Variants in LRRC69 observed in about 807,000 individuals in gnomAD.
LRRC69 encodes leucine-rich repeat-containing protein 69.
A neutral mutation model predicts 37.8 loss-of-function variants in LRRC69; 42 were observed. That is an observed-to-expected ratio of 1.11 (90% CI 0.87 to 1.44). LRRC69 has a LOEUF of 1.44. LRRC69 is among the 40% of genes most tolerant of loss of function. The pLI is 0.00. For synonymous variants in LRRC69, 141 were observed against 143.1 expected (o/e 0.99, Z 0.11); for missense variants, 357 against 401.9 (o/e 0.89, Z 0.96).
At chr8:91,157,317 AG>A in intron 5 of LRRC69, 1 of 1,608,526 alleles carries the variant, frequency 6.2e-7, no homozygotes, top group Non-Finnish European at 8.5e-7. Flanking sequence ...TGGCACCCAC[AG>A]AAACATTCAC....
intron 3 of LRRC69, among the ~76,000 whole-genome samples, chr8:91,127,798 A>G (rs1302485631): frequency 2.0e-5 from 3 of 151,842 alleles, no homozygotes; most frequent in East Asian, 3.9e-4. Flanking sequence ...TTGCCTGTTG[A>G]GCAGAAACAG....
chr8:91,153,778 A>G (rs13254476), intron 5 of LRRC69, among the ~76,000 whole-genome samples: 7,966 of 152,030 alleles, frequency 0.052, 294 homozygotes, highest in Middle Eastern at 0.16. Flanking sequence ...TCTCAAATTG[A>G]CACCCTAACA....
chr8:91,105,792 C>G (rs1162936201), intron 1 of LRRC69, among the ~76,000 whole-genome samples: 12 of 151,886 alleles, frequency 7.9e-5, no homozygotes, highest in Admixed American at 7.9e-4. Flanking sequence ...ATACAAGGCA[C>G]TTAGTTTCTT....
chr8:91,188,916 C>G (rs1809446798), intron 5 of LRRC69, among the ~76,000 whole-genome samples: 1 of 151,638 alleles, frequency 6.6e-6, no homozygotes, highest in African/African-American at 2.4e-5. Context: ...ACCTCCACCT[C>G]TGGGTTCAAA....
chr8:91,113,882 C>G (rs781691793), intron 1 of LRRC69, among the ~76,000 whole-genome samples: 6 of 140,388 alleles, frequency 4.3e-5, no homozygotes, highest in Non-Finnish European at 7.6e-5. Context: ...AACAAATAAC[C>G]TGATTTAAAA....
exon 4 of LRRC69, chr8:91,133,214 A>G (rs1813840879): frequency 1.9e-6 from 3 of 1,542,818 alleles, no homozygotes; most frequent in Non-Finnish European, 2.6e-6. Context: ...CTTAACTACA[A>G]TCAGCTGATA....
chr8:91,139,062 A>G (rs1225006814), intron 5 of LRRC69: 2 of 151,476 alleles, frequency 1.3e-5, no homozygotes, highest in East Asian at 3.9e-4. Context: ...AAAAAAAAAA[A>G]GAAATATCTT....
intron 1 of LRRC69, among the ~76,000 whole-genome samples, chr8:91,116,476 A>G (rs991439680): frequency 1.3e-5 from 2 of 151,970 alleles, no homozygotes; most frequent in Admixed American, 6.6e-5. Flanking sequence ...TGAGAATTTC[A>G]TGTATTGTAT....
At chr8:91,122,699 A>G (rs1445822894) in intron 1 of LRRC69, among the ~76,000 whole-genome samples, 1 of 151,736 alleles carries the variant, frequency 6.6e-6, no homozygotes. Context: ...CCTCAGGGAG[A>G]TTTTCTTGGG....
intron 5 of LRRC69, among the ~76,000 whole-genome samples, chr8:91,175,981 C>T (rs1195377121): frequency 6.6e-6 from 1 of 151,216 alleles, no homozygotes; most frequent in African/African-American, 2.4e-5. Context: ...TGTATGATTA[C>T]TTAACATTTT....
intron 7 of LRRC69, 22 bp from the exon 8 acceptor site, chr8:91,218,868 A>G: frequency 1.4e-6 from 2 of 1,454,022 alleles, no homozygotes; most frequent in Non-Finnish European, 1.9e-6. Flanking sequence ...CCTAAATTTT[A>G]TTTTTAATCT....
intron 1 of LRRC69, among the ~76,000 whole-genome samples, chr8:91,120,038 G>A (rs187973213): frequency 8.2e-4 from 125 of 151,870 alleles, no homozygotes; most frequent in African/African-American, 2.9e-3. Context: ...TTGGGGGTGG[G>A]GGGGAACTCC....
At position 91,206,785 on chromosome 8, in the gene LRRC69, T is replaced by C. The variant is rs1380348718; in HGVS notation, c.933+5993T>C. 2.3e-6 allele frequency: 3 copies of C among 1,289,718 alleles called. No homozygotes were observed. The South Asian group carries it at 3.7e-5, about 16-fold the overall frequency. 79.9% of individuals were successfully genotyped at this position (1,289,718 alleles called of 1,614,324 possible). Reference sequence around the variant, plus strand: ...TGCTAAATATGTCACCTGGAATACCTCAATTAATGTCCAAAATAACCCCAT... The same window carrying C: ...TGCTAAATATGTCACCTGGAATACCCCAATTAATGTCCAAAATAACCCCAT... On this transcript the variant is annotated intron_variant, in intron 7 of 7. Transcript: ENST00000448384.
chr8:91,213,219 TGATGG>T (rs1354699563), intron 7 of LRRC69, among the ~76,000 whole-genome samples: 2 of 152,114 alleles, frequency 1.3e-5, no homozygotes, highest in East Asian at 3.9e-4. Context: ...GGCTGGAACA[TGATGG>T]GATTTTCTTT....
intron 5 of LRRC69, among the ~76,000 whole-genome samples, chr8:91,161,323 G>A (rs1183102058): frequency 1.3e-5 from 2 of 151,328 alleles, no homozygotes; most frequent in Admixed American, 1.3e-4. Context: ...AATGAGTTAG[G>A]AAGAATTTCC....
intron 5 of LRRC69, among the ~76,000 whole-genome samples, chr8:91,140,568 TCTTG>T (rs1181343045): frequency 6.6e-6 from 1 of 151,818 alleles, no homozygotes; most frequent in Non-Finnish European, 1.5e-5. Flanking sequence ...GAAATACGTG[TCTTG>T]CTTTGTCATT....
At chr8:91,142,827 C>A (rs1260764650) in intron 5 of LRRC69, among the ~76,000 whole-genome samples, 1 of 152,024 alleles carries the variant, frequency 6.6e-6, no homozygotes, top group African/African-American at 2.4e-5. Context: ...CAGGTTGGGG[C>A]AGTCTCTGTC....
chr8:91,173,363 A>G (rs1809167623), intron 5 of LRRC69, among the ~76,000 whole-genome samples: 1 of 152,076 alleles, frequency 6.6e-6, no homozygotes, highest in South Asian at 2.1e-4. Flanking sequence ...TTCCTTCCTC[A>G]TTTGATACTA....
chr8:91,135,826 C>T, intron 5 of LRRC69, 87 bp downstream of exon 5: 1 of 632,374 alleles, frequency 1.6e-6, no homozygotes, highest in Non-Finnish European at 2.5e-6. Flanking sequence ...ACAGTAAAAC[C>T]TGTAGTAATT....
Sources: gnomAD v4.1 joint callset for allele counts (sites outside exome capture counted in the v4.1 genomes callset) on GRCh38, gnomAD v4.1.1 for gene constraint, MANE v1.5 for transcripts, NCBI Gene and HGNC (gene_info 2026-07-23, HGNC 2026-07-21) for gene names.